C3orf22: variants seen among roughly 807,000 people sequenced by gnomAD.
The protein encoded by C3orf22 is uncharacterized protein C3orf22.
Under a neutral mutation model 10.8 loss-of-function variants are expected in C3orf22, and 7 were observed. The ratio of observed to expected loss-of-function variants is 0.65; its 90% CI spans 0.37 to 1.22. The LOEUF is 1.22. Among genes scored for constraint, C3orf22 ranks in the 50% most tolerant of loss-of-function variants. C3orf22 has a pLI of 0.02. For synonymous variants in C3orf22, 79 were observed against 78.9 expected (o/e 1.00, Z 0.00); for missense variants, 173 against 177.0 (o/e 0.98, Z 0.13).
At chr3:126,542,485 C>G in intron 4 of C3orf22, 1 of 1,582,612 alleles carries the variant, frequency 6.3e-7, no homozygotes, top group Non-Finnish European at 8.6e-7. Flanking sequence ...TCCGGGACAT[C>G]AGCCCCTTCT....
At chr3:126,558,388 C>T (rs1323429694) in intron 1 of C3orf22, among the ~76,000 whole-genome samples, 1 of 152,180 alleles carries the variant, frequency 6.6e-6, no homozygotes, top group African/African-American at 2.4e-5. Context: ...TCAAGGGAGA[C>T]AGGAGCGCCC....
At chr3:126,544,379 C>G (rs879768583) in intron 4 of C3orf22, among the ~76,000 whole-genome samples, 2 of 152,158 alleles carry the variant, frequency 1.3e-5, no homozygotes, top group African/African-American at 2.4e-5. Flanking sequence ...TATAAATTAC[C>G]CAGTTTCAGG....
At chr3:126,538,664 G>A (rs1936854664) in intron 4 of C3orf22, among the ~76,000 whole-genome samples, 1 of 152,176 alleles carries the variant, frequency 6.6e-6, no homozygotes, top group Non-Finnish European at 1.5e-5. Context: ...TTGGCTGTGG[G>A]CCCCGGGGGC....
intron 4 of C3orf22, chr3:126,542,869 CCA>C (rs1364926061): frequency 3.2e-6 from 1 of 312,144 alleles, no homozygotes; most frequent in African/African-American, 2.2e-5. Flanking sequence ...GACTTGATAA[CCA>C]GGGTTTTAGG....
downstream of C3orf22, among the ~76,000 whole-genome samples, chr3:126,546,678 T>A (rs923130572): frequency 4.6e-5 from 7 of 152,040 alleles, no homozygotes; most frequent in African/African-American, 1.7e-4. Context: ...ACGTCCAGCC[T>A]TCCTTGGAAC....
rs1426666883 is a variant in C3orf22 at position 126,553,379 on chromosome 3, A to G, written c.12T>C (p.Ser4=). The G allele has an allele frequency of 1.9e-6, 3 of 1,613,356 alleles. No homozygotes were observed. The Admixed American group carries it at 5.0e-5, about 27-fold the overall frequency. The change falls in exon 2 of 4, where the codon AGT becomes AGC. Residue 4 remains serine, a synonymous_variant. Transcript: ENST00000318225. ...TACTCTGGTGAGACTTCTTGCAGGCACTGGAGTCCATCACTGAGTGGGTTA... is the reference window on the plus strand; with the variant it reads ...TACTCTGGTGAGACTTCTTGCAGGCGCTGGAGTCCATCACTGAGTGGGTTA... MDS[S]ACKKSHQSKK...
intron 4 of C3orf22, among the ~76,000 whole-genome samples, chr3:126,539,035 C>T (rs1423040286): frequency 6.6e-6 from 1 of 152,064 alleles, no homozygotes; most frequent in African/African-American, 2.4e-5. Flanking sequence ...ACTGCTTTGC[C>T]GTGTGCTTAC....
chr3:126,542,794 T>A, intron 4 of C3orf22: 1 of 540,364 alleles, frequency 1.9e-6, no homozygotes, highest in Non-Finnish European at 2.9e-6. Flanking sequence ...GCCTGTCGCC[T>A]GAGGCCTGCT....
downstream of C3orf22, chr3:126,549,540 T>C: frequency 1.3e-6 from 1 of 761,626 alleles, no homozygotes; most frequent in Non-Finnish European, 2.0e-6. Context: ...TACTTACCTG[T>C]GTGAGTGTAC....
At chr3:126,557,867 C>T (rs12636448) in intron 1 of C3orf22, among the ~76,000 whole-genome samples, 1 of 152,038 alleles carries the variant, frequency 6.6e-6, no homozygotes, top group South Asian at 2.1e-4. Context: ...TACACCAGTG[C>T]TGGCTAAAGG....
intron 4 of C3orf22, chr3:126,541,842 G>A (rs138078497): frequency 1.3e-6 from 2 of 1,577,616 alleles, no homozygotes; most frequent in African/African-American, 1.4e-5. Context: ...GAGGACCTGC[G>A]GCACGTGCTG....
At chr3:126,542,622 G>T in intron 4 of C3orf22, 1 of 1,429,552 alleles carries the variant, frequency 7.0e-7, no homozygotes, top group South Asian at 1.6e-5. Context: ...GTGCCTTTCC[G>T]ACAAGACCCC....
chr3:126,542,807 C>G, intron 4 of C3orf22: 1 of 468,506 alleles, frequency 2.1e-6, no homozygotes, highest in Non-Finnish European at 3.5e-6. Flanking sequence ...GGCCTGCTTC[C>G]TCCACTTGCT....
chr3:126,545,236 G>A (rs185763508), downstream of C3orf22, among the ~76,000 whole-genome samples: 83 of 152,352 alleles, frequency 5.4e-4, no homozygotes, highest in Admixed American at 1.2e-3. Flanking sequence ...CCAAGGTCAC[G>A]CGGCATTTTA....
At chr3:126,550,883 C>T (rs372140676) in intron 3 of C3orf22, among the ~76,000 whole-genome samples, 31 of 152,390 alleles carry the variant, frequency 2.0e-4, no homozygotes, top group African/African-American at 7.0e-4. Flanking sequence ...CTGCTCTGAC[C>T]CCACAGCTGC....
chr3:126,555,457 C>A (rs1173562911), intron 1 of C3orf22, among the ~76,000 whole-genome samples: 1 of 152,204 alleles, frequency 6.6e-6, no homozygotes, highest in East Asian at 1.9e-4. Context: ...GGCCGCACAG[C>A]AGGAGGTGGG....
chr3:126,539,810 CA>C (rs1936901298), intron 4 of C3orf22, among the ~76,000 whole-genome samples: 1 of 106,332 alleles, frequency 9.4e-6, no homozygotes, highest in Admixed American at 9.3e-5. Context: ...CCACACCACA[CA>C]CCACAAACAC....
At chr3:126,546,762 G>A (rs957207413), downstream of C3orf22, among the ~76,000 whole-genome samples, 6 of 152,202 alleles carry the variant, frequency 3.9e-5, no homozygotes, top group South Asian at 2.1e-4. Context: ...AGACTAAGCC[G>A]TGGTTGCCAG....
chr3:126,534,613 A>G (rs1013644410), intron 4 of C3orf22, among the ~76,000 whole-genome samples: 4 of 152,026 alleles, frequency 2.6e-5, no homozygotes, highest in African/African-American at 9.7e-5. Context: ...GCTGGGAGAC[A>G]GACACACAGA....
Sources: allele counts gnomAD v4.1 joint callset (sites outside exome capture counted in the v4.1 genomes callset), GRCh38; gene constraint gnomAD v4.1.1; transcripts MANE v1.5; gene names NCBI Gene and HGNC (gene_info 2026-07-23, HGNC 2026-07-21).